The following BMP2K variants were observed in gnomAD, a reference collection of about 807,000 sequenced individuals.
BMP2K encodes the protein BMP-2-inducible protein kinase.
In BMP2K, 74 loss-of-function variants were observed where a neutral mutation model predicts 116.0. The observed-to-expected ratio is 0.64, with a 90% confidence interval of 0.53 to 0.77. The LOEUF (loss-of-function observed/expected upper bound fraction) is 0.77, where lower values mean the gene tolerates loss of function less well. Among genes scored for constraint, BMP2K ranks in the 30% least tolerant of loss-of-function variants. BMP2K has a pLI of 0.00. For synonymous variants in BMP2K, 486 were observed against 502.5 expected, an observed-to-expected ratio of 0.97 and a Z score of 0.44; for missense variants, 1,365 against 1,403.6, an observed-to-expected ratio of 0.97 and a Z score of 0.44.
chr4:78,895,436 AGT>A lies in BMP2K; in HGVS notation c.2062+8155_2062+8156del, dbSNP rs1229448803. 8.5e-5 allele frequency among the ~76,000 whole-genome samples: 13 copies of A among 152,338 alleles called. No individual in the cohort carries two copies. In the East Asian group the frequency reaches 2.5e-3, roughly 29 times the overall value. ...TTCTAATTTCTCACAAATTTCAAAAAGTGTTTTGATTAAAGGTTGAAATCCCA... is the reference window on the plus strand; with the variant it reads ...TTCTAATTTCTCACAAATTTCAAAAAGTTTTGATTAAAGGTTGAAATCCCA... On this transcript the variant is annotated intron_variant, in intron 15 of 15. Transcript: ENST00000502613.
At position 78,911,033 on chromosome 4, in the gene BMP2K, C is replaced by T. The variant is rs776261781; in HGVS notation, c.2486C>T (p.Thr829Ile). The T allele has an allele frequency of 5.6e-6, 9 of 1,613,760 alleles. No individual in the cohort carries two copies. Among genetic ancestry groups the T allele is most frequent in the Non-Finnish European group, 7.6e-6 (9 of 1,179,854 alleles). Residue 829 changes from threonine (T) to isoleucine (I), a missense_variant, in exon 16 of 16, where the codon ACC (threonine) becomes ATC (isoleucine). Physicochemically the swap from Thr to Ile is moderately conservative, Grantham distance 89 (BLOSUM62 -1). This residue lies in a region of BMP2K where 596 missense variants were observed against 623.2 expected (regional missense o/e 0.96). Coordinates refer to ENST00000502613, the MANE Select transcript of BMP2K (RefSeq NM_198892.2). ...AGAGACAGATCTGGCAGTGGACCAA[C>T]CCAAGATCTTAATACAATACTCCTC... is the stretch of plus-strand genomic sequence containing the variant. The part of the protein sequence containing the change: ...VYRDRSGSGP[T>I]QDLNTILLTS...
chr4:78,904,641 A>C (rs1734198083), intron 15 of BMP2K, among the ~76,000 whole-genome samples: 1 of 151,976 alleles, frequency 6.6e-6, no homozygotes, highest in African/African-American at 2.4e-5. Flanking sequence ...CTCAACCTCA[A>C]AAGATGGGGA....
Position 78,870,949 on chromosome 4 carries a change from G to A in BMP2K, c.1398G>A (p.Gln466=), listed in dbSNP as rs534035187. The A allele has an allele frequency of 1.8e-4, 288 of 1,610,450 alleles. No homozygotes were observed. Among genetic ancestry groups the A allele is most frequent in the Non-Finnish European group, 2.2e-4 (261 of 1,178,704 alleles). Residue 466 remains glutamine, a synonymous_variant, in exon 11 of 16, where the codon CAG becomes CAA. Coordinates refer to ENST00000502613, the MANE Select transcript of BMP2K (RefSeq NM_198892.2). The part of the protein sequence containing the change: ...RHPHQQQQQQ[Q]QQQQQQQQQQ... ...CTCACCAGCAGCAGCAGCAGCAGCA[G>A]CAGCAACAGCAACAGCAGCAGCAGC...
chr4:78,859,391 T>G, intron 7 of BMP2K, 193 bp from the exon 8 acceptor site: 12 of 421,344 alleles, frequency 2.8e-5, no homozygotes, highest in South Asian at 2.8e-4. Context: ...TGATCTACCC[T>G]TAGCTTGGGA....
intron 1 of BMP2K, among the ~76,000 whole-genome samples, chr4:78,785,958 T>G (rs1483752235): frequency 6.6e-6 from 1 of 152,192 alleles, no homozygotes; most frequent in Admixed American, 6.5e-5. Context: ...ACTCTAGGAT[T>G]CAGGACCCCC....
intron 1 of BMP2K, among the ~76,000 whole-genome samples, chr4:78,817,873 A>G (rs1272842576): frequency 1.3e-5 from 2 of 152,214 alleles, no homozygotes; most frequent in Non-Finnish European, 2.9e-5. Context: ...AGAAATGTCT[A>G]CTAAGGAATT....
At chr4:78,817,526 C>T (rs777741010) in intron 1 of BMP2K, among the ~76,000 whole-genome samples, 1 of 152,190 alleles carries the variant, frequency 6.6e-6, no homozygotes, top group African/African-American at 2.4e-5. Context: ...TGGAAGGGTG[C>T]TGAGTGCAGA....
intron 1 of BMP2K, among the ~76,000 whole-genome samples, chr4:78,794,948 T>C (rs1728180823): frequency 6.6e-6 from 1 of 152,248 alleles, no homozygotes; most frequent in African/African-American, 2.4e-5. Context: ...GGAGGGTATG[T>C]AAATTAAGTG....
At chr4:78,825,016 A>G (rs1426351455) in intron 1 of BMP2K, among the ~76,000 whole-genome samples, 1 of 152,164 alleles carries the variant, frequency 6.6e-6, no homozygotes, top group Non-Finnish European at 1.5e-5. Context: ...CAGCCTGGCC[A>G]ACATAGTGAA....
chr4:78,891,766 T>A (rs1733452347), intron 15 of BMP2K, among the ~76,000 whole-genome samples: 1 of 152,210 alleles, frequency 6.6e-6, no homozygotes, highest in Admixed American at 6.5e-5. Context: ...TTATTGTAAA[T>A]TATTTTCTTC....
intron 10 of BMP2K, among the ~76,000 whole-genome samples, chr4:78,868,716 A>G (rs554646227): frequency 9.2e-5 from 14 of 152,288 alleles, no homozygotes; most frequent in African/African-American, 3.1e-4. Flanking sequence ...AAGGGGTTAC[A>G]GCGCCCATAC....
At chr4:78,873,002 T>C (rs1732447717) in intron 13 of BMP2K, among the ~76,000 whole-genome samples, 1 of 152,200 alleles carries the variant, frequency 6.6e-6, no homozygotes, top group South Asian at 2.1e-4. Flanking sequence ...CTGCTATTTG[T>C]AGGTAAGGTG....
intron 2 of BMP2K, among the ~76,000 whole-genome samples, 182 bp downstream of exon 2, chr4:78,826,337 G>T (rs1473042817): frequency 6.6e-6 from 1 of 152,068 alleles, no homozygotes; most frequent in Admixed American, 6.5e-5. Context: ...AAGTAGCCAG[G>T]ATTACAGGTG....
intron 10 of BMP2K, among the ~76,000 whole-genome samples, chr4:78,869,117 T>C (rs1030710064): frequency 6.6e-6 from 1 of 152,154 alleles, no homozygotes; most frequent in African/African-American, 2.4e-5. Flanking sequence ...AAACTTTTGC[T>C]TGCATATCCA....
chr4:78,876,828 C>A (rs940586463), intron 13 of BMP2K, among the ~76,000 whole-genome samples: 2 of 152,088 alleles, frequency 1.3e-5, no homozygotes, highest in African/African-American at 4.8e-5. Flanking sequence ...CATCATTAGG[C>A]AATTTTATTG....
intron 7 of BMP2K, among the ~76,000 whole-genome samples, chr4:78,858,575 A>G (rs1253571697): frequency 1.3e-5 from 2 of 151,924 alleles, no homozygotes; most frequent in African/African-American, 4.8e-5. Flanking sequence ...TTATCATGTC[A>G]TTGAAGATGT....
At position 78,912,098 on chromosome 4, in the gene BMP2K, TGAAA is replaced by T. The variant is rs1409490768; in HGVS notation, c.*70_*73del. The T allele has an allele frequency of 6.9e-7, 1 of 1,443,118 alleles. No individual in the cohort carries two copies. The highest frequency in any genetic ancestry group is 9.4e-7 in the Non-Finnish European group (1 of 1,062,162). 89.4% of individuals were successfully genotyped at this position (1,443,118 alleles called of 1,614,324 possible). ...AAAAGTGTGAACAGTTTTATGAATT[TGAAA>T]GAAAATTTGGTAGCTCTTTATAGCA... On this transcript the variant is annotated 3_prime_UTR_variant, in exon 16 of 16. Coordinates refer to ENST00000502613, the MANE Select transcript of BMP2K (RefSeq NM_198892.2).
chr4:78,780,869 C>T (rs1200800708), intron 1 of BMP2K, among the ~76,000 whole-genome samples: 1 of 152,144 alleles, frequency 6.6e-6, no homozygotes, highest in Non-Finnish European at 1.5e-5. Context: ...AGACAATGCT[C>T]AGGGTTTTAT....
chr4:78,803,408 T>TG (rs905888092), intron 1 of BMP2K, among the ~76,000 whole-genome samples: 1 of 152,116 alleles, frequency 6.6e-6, no homozygotes, highest in Non-Finnish European at 1.5e-5. Context: ...TTACTTTTTT[T>TG]GGGGGGGATC....
Sources: allele counts gnomAD v4.1 joint callset (sites outside exome capture counted in the v4.1 genomes callset), GRCh38; gene constraint gnomAD v4.1.1; regional missense constraint gnomAD v4.1.1; transcripts MANE v1.5; gene names NCBI Gene and HGNC (gene_info 2026-07-23, HGNC 2026-07-21).